The following PKIA variants were observed in gnomAD, a reference collection of about 807,000 sequenced individuals.
The protein encoded by PKIA is PKI-alpha.
A neutral mutation model predicts 7.6 loss-of-function variants in PKIA; 4 were observed. That is an observed-to-expected ratio of 0.52 (90% CI 0.26 to 1.20). The LOEUF is 1.20. Among genes scored for constraint, PKIA ranks in the 50% most tolerant of loss-of-function variants. PKIA has a pLI of 0.13. For synonymous variants in PKIA, 21 were observed against 30.7 expected (o/e 0.68, Z 1.04); for missense variants, 73 against 86.2 (o/e 0.85, Z 0.61).
chr8:78,586,046 T>C (rs930435059), intron 2 of PKIA, among the ~76,000 whole-genome samples: 1 of 152,116 alleles, frequency 6.6e-6, no homozygotes, highest in Non-Finnish European at 1.5e-5. Context: ...ATCACTAATA[T>C]CTGACTCTCC....
At chr8:78,585,105 T>C (rs1241132308) in intron 2 of PKIA, among the ~76,000 whole-genome samples, 1 of 152,020 alleles carries the variant, frequency 6.6e-6, no homozygotes, top group African/African-American at 2.4e-5. Flanking sequence ...CTTGTTACCT[T>C]ATAAAAAATT....
At chr8:78,543,533 T>C (rs1806748136) in intron 1 of PKIA, among the ~76,000 whole-genome samples, 1 of 152,206 alleles carries the variant, frequency 6.6e-6, no homozygotes, top group Admixed American at 6.6e-5. Flanking sequence ...TCTCTTATTT[T>C]CCCATCAATT....
rs533317211 is a variant in PKIA at position 78,582,630 on chromosome 8, TA to T, written c.-28+9692del. On this transcript the variant is annotated intron_variant, in intron 2 of 3. Transcript: ENST00000396418. ...CTTACTGTACAAATGTCTATAAAAT[TA>T]GTAAAGTTCTCTGTATTACAATAAA... Among the ~76,000 whole-genome samples the T allele has an allele frequency of 8.5e-5, 13 of 152,210 alleles. No homozygotes were observed. In the East Asian group the frequency reaches 2.5e-3, roughly 29 times the overall value.
Position 78,601,963 on chromosome 8 carries a change from A to C in PKIA, c.*142A>C. The stretch of plus-strand genomic sequence containing the variant: ...AGGAACCTGCTCATTATCATGTTAA[A>C]AATGAGGGCAGAGGCTGTGGCTGCA... On this transcript the variant is annotated 3_prime_UTR_variant, in exon 4 of 4. Coordinates refer to ENST00000396418, the MANE Select transcript of PKIA (RefSeq NM_006823.4). The C allele has an allele frequency of 1.5e-6, 1 of 646,884 alleles. No individual in the cohort carries two copies. Among genetic ancestry groups the C allele is most frequent in the Non-Finnish European group, 2.7e-6 (1 of 374,556 alleles). 40.1% of individuals were successfully genotyped at this position (646,884 alleles called of 1,614,324 possible).
At chr8:78,549,397 G>A (rs142192987) in intron 1 of PKIA, among the ~76,000 whole-genome samples, 25 of 151,740 alleles carry the variant, frequency 1.6e-4, no homozygotes, top group Non-Finnish European at 3.2e-4. Context: ...CAAGATGAAC[G>A]TTTTTTTAAC....
intron 1 of PKIA, among the ~76,000 whole-genome samples, chr8:78,519,805 T>G (rs983162387): frequency 2.0e-5 from 3 of 152,202 alleles, no homozygotes; most frequent in African/African-American, 7.2e-5. Context: ...TCTTTCCAAT[T>G]TGTACCCCAT....
At chr8:78,586,397 G>A (rs920319522) in intron 2 of PKIA, among the ~76,000 whole-genome samples, 3 of 151,826 alleles carry the variant, frequency 2.0e-5, no homozygotes, top group African/African-American at 7.3e-5. Context: ...CTTTTTTTTA[G>A]GTGTCAATAT....
At chr8:78,533,841 A>C (rs1056744827) in intron 1 of PKIA, 1 of 152,154 alleles carries the variant, frequency 6.6e-6, no homozygotes, top group Non-Finnish European at 1.5e-5. Context: ...ACAAACAAAC[A>C]ATACAAAGCA....
intron 1 of PKIA, among the ~76,000 whole-genome samples, chr8:78,537,176 A>C (rs1806548693): frequency 6.7e-6 from 1 of 148,282 alleles, no homozygotes; most frequent in Non-Finnish European, 1.5e-5. Context: ...GGTTTAGTTT[A>C]GTTTTTTTTT....
At chr8:78,562,707 T>C (rs1807313491) in intron 1 of PKIA, among the ~76,000 whole-genome samples, 3 of 152,276 alleles carry the variant, frequency 2.0e-5, no homozygotes, top group African/African-American at 7.2e-5. Context: ...TCTGTGTCTG[T>C]CTATCCCATT....
In PKIA at chr8:78,520,098, A is replaced by G. The variant is rs563478993; in HGVS notation, c.-157+3630A>G. Among the ~76,000 whole-genome samples the G allele has an allele frequency of 6.2e-4, 95 of 152,288 alleles. No individual in the cohort carries two copies. In the Middle Eastern group the frequency reaches 0.01, roughly 16 times the overall value. ...GCAACTCTATGGTGTCTAGCTACATATATGTATTATAGGTGTTCAGCAATT... is the reference window on the plus strand; with the variant it reads ...GCAACTCTATGGTGTCTAGCTACATGTATGTATTATAGGTGTTCAGCAATT... On this transcript the variant is annotated intron_variant, in intron 1 of 3. Coordinates refer to ENST00000396418, the MANE Select transcript of PKIA (RefSeq NM_006823.4).
chr8:78,518,474 GAAT>G (rs1401433598), intron 1 of PKIA, among the ~76,000 whole-genome samples: 2 of 151,966 alleles, frequency 1.3e-5, no homozygotes, highest in African/African-American at 2.4e-5. Context: ...TACTAATATA[GAAT>G]AATAATGAAT....
In PKIA at chr8:78,539,147, C is replaced by T. The variant is rs138786051; in HGVS notation, c.-157+22679C>T. Among the ~76,000 whole-genome samples, 519 of 151,872 alleles carry T rather than the reference C, an allele frequency of 3.4e-3. 3 individuals carry two copies. The highest frequency in any genetic ancestry group is 0.012 in the African/African-American group (483 of 41,400). ...TTTGGAGGAAAAGGTTGATGAGATC[C>T]AATTAATGGGCAAAAGAAATAATTT... On this transcript the variant is annotated intron_variant, in intron 1 of 3. Transcript: ENST00000396418.
intron 2 of PKIA, among the ~76,000 whole-genome samples, chr8:78,594,611 T>C (rs1397976389): frequency 2.0e-5 from 3 of 152,156 alleles, no homozygotes; most frequent in Non-Finnish European, 2.9e-5. Flanking sequence ...GGACTAAATA[T>C]GACTGGCATC....
At position 78,522,549 on chromosome 8, in the gene PKIA, A is replaced by T. The variant is rs764433724; in HGVS notation, c.-157+6081A>T. Among the ~76,000 whole-genome samples, 3 of 151,978 alleles carry T rather than the reference A, an allele frequency of 2.0e-5. No individual in the cohort carries two copies. In the South Asian group the frequency reaches 6.2e-4, roughly 31 times the overall value. On this transcript the variant is annotated intron_variant, in intron 1 of 3. Coordinates refer to ENST00000396418, the MANE Select transcript of PKIA (RefSeq NM_006823.4). ...AAATGAATACAGATACTATAAGGAA[A>T]TCAACTGAACATGATCCGAGCAAAG...
intron 2 of PKIA, among the ~76,000 whole-genome samples, chr8:78,578,591 A>T (rs1399818114): frequency 6.6e-6 from 1 of 151,980 alleles, no homozygotes; most frequent in Non-Finnish European, 1.5e-5. Context: ...GTTTTAAGTT[A>T]TTAATACAAC....
chr8:78,578,549 T>TC (rs1563587152), intron 2 of PKIA, among the ~76,000 whole-genome samples: 24 of 151,934 alleles, frequency 1.6e-4, no homozygotes, highest in East Asian at 3.9e-4. Flanking sequence ...CATTATTTTT[T>TC]TGTTTGCTAA....
rs146572250 is a variant in PKIA, at chr8:78,597,521, A to C, written c.-27-837A>C. On this transcript the variant is annotated intron_variant, in intron 2 of 3. Transcript: ENST00000396418. ...CTGAATTTTGGCCCATTTCATTAAC[A>C]GACTGTACAGACAATGCTCTCACTT... is the stretch of plus-strand genomic sequence containing the variant. 2.5e-3 allele frequency among the ~76,000 whole-genome samples: 380 copies of C among 152,286 alleles called. 2 individuals are homozygous for C. Among genetic ancestry groups the C allele is most frequent in the African/African-American group, 8.5e-3 (355 of 41,556 alleles).
At chr8:78,532,761 A>G (rs1317376183) in intron 1 of PKIA, among the ~76,000 whole-genome samples, 4 of 151,790 alleles carry the variant, frequency 2.6e-5, no homozygotes, top group Non-Finnish European at 5.9e-5. Flanking sequence ...ATTAAATACA[A>G]AAAATTAGCC....
Sources: gnomAD v4.1 joint callset for allele counts (sites outside exome capture counted in the v4.1 genomes callset) on GRCh38, gnomAD v4.1.1 for gene constraint, MANE v1.5 for transcripts, NCBI Gene and HGNC (gene_info 2026-07-23, HGNC 2026-07-21) for gene names.